The following ZFHX3 variants were observed in gnomAD, a reference collection of about 807,000 sequenced individuals.
The protein encoded by ZFHX3 is zinc finger homeobox 3, also known as zinc finger homeobox protein 3.
Under a neutral mutation model 279.1 loss-of-function variants are expected in ZFHX3, and 42 were observed. The ratio of observed to expected loss-of-function variants is 0.15; its 90% CI spans 0.12 to 0.19. The LOEUF (loss-of-function observed/expected upper bound fraction) is 0.19, where lower values mean the gene tolerates loss of function less well. Ranked by LOEUF, ZFHX3 falls within the 10% of genes least tolerant of loss-of-function variation. The probability of loss-of-function intolerance (pLI) is 1.00; values close to 1 mark genes in which losing one functional copy is unlikely to be tolerated. For synonymous variants in ZFHX3, 2,293 were observed against 1,957.8 expected, an observed-to-expected ratio of 1.17 and a Z score of -4.52; for missense variants, 4,981 against 4,754.0, an observed-to-expected ratio of 1.05 and a Z score of -1.40.
intron 1 of ZFHX3, among the ~76,000 whole-genome samples, chr16:73,725,209 TA>T (rs1481038012): frequency 2.6e-5 from 4 of 152,170 alleles, no homozygotes; most frequent in African/African-American, 9.7e-5. Context: ...AGAACAAATT[TA>T]AAGATTTTTA....
At chr16:73,363,318 G>T (rs1314872921) in intron 3 of ZFHX3, among the ~76,000 whole-genome samples, 1 of 152,176 alleles carries the variant, frequency 6.6e-6, no homozygotes, top group Non-Finnish European at 1.5e-5. Context: ...GGGGTGGTTT[G>T]TTATGCACCA....
intron 5 of ZFHX3, among the ~76,000 whole-genome samples, chr16:73,151,533 G>C (rs964400514): frequency 1.3e-5 from 2 of 151,306 alleles, no homozygotes; most frequent in Admixed American, 6.6e-5. Flanking sequence ...CTGCTCGGTG[G>C]GAAAGAATGT....
intron 2 of ZFHX3, among the ~76,000 whole-genome samples, chr16:73,508,861 G>A (rs825836): frequency 0.23 from 34,435 of 152,050 alleles, 4,474 homozygotes; most frequent in East Asian, 0.58. Flanking sequence ...TTCAACCAAC[G>A]TAAGAACTGT....
At chr16:73,427,106 A>G (rs2017823625) in intron 3 of ZFHX3, among the ~76,000 whole-genome samples, 1 of 147,458 alleles carries the variant, frequency 6.8e-6, no homozygotes. Flanking sequence ...TTAAAGCAAA[A>G]AAAGAGGAGA....
intron 2 of ZFHX3, among the ~76,000 whole-genome samples, chr16:73,469,446 T>C (rs1419097644): frequency 6.6e-6 from 1 of 152,086 alleles, no homozygotes; most frequent in South Asian, 2.1e-4. Context: ...GTATATGTAC[T>C]GCCATCTTGG....
intron 2 of ZFHX3, among the ~76,000 whole-genome samples, chr16:73,589,174 C>T (rs933388508): frequency 9.6e-5 from 13 of 135,854 alleles, no homozygotes; most frequent in African/African-American, 8.3e-5. Context: ...GCAGGAGAAT[C>T]GCTTGACCCT....
At chr16:73,606,084 G>A (rs1174724551) in intron 2 of ZFHX3, among the ~76,000 whole-genome samples, 1 of 149,800 alleles carries the variant, frequency 6.7e-6, no homozygotes, top group Non-Finnish European at 1.5e-5. Context: ...TTGGGAGGCT[G>A]AGGTGGAGAA....
At chr16:72,919,521 T>C (rs1029650112) in intron 3 of ZFHX3, among the ~76,000 whole-genome samples, 1 of 152,080 alleles carries the variant, frequency 6.6e-6, no homozygotes, top group Non-Finnish European at 1.5e-5. Flanking sequence ...TTAAGAATCC[T>C]TGAGCCAGGT....
intron 5 of ZFHX3, among the ~76,000 whole-genome samples, chr16:72,818,906 A>G (rs2036697108): frequency 6.6e-6 from 1 of 152,226 alleles, no homozygotes; most frequent in African/African-American, 2.4e-5. Context: ...TGTTTCTAAA[A>G]AGGGTTTCAA....
intron 3 of ZFHX3, among the ~76,000 whole-genome samples, chr16:73,423,843 C>T (rs897368447): frequency 2.2e-5 from 3 of 134,430 alleles, no homozygotes; most frequent in Non-Finnish European, 4.6e-5. Context: ...GCTTGTGAGA[C>T]AGGGTGAGAC....
intron 8 of ZFHX3, among the ~76,000 whole-genome samples, chr16:73,069,352 A>G (rs1053465010): frequency 6.6e-6 from 1 of 151,862 alleles, no homozygotes; most frequent in African/African-American, 2.4e-5. Flanking sequence ...GGCAGGGGGG[A>G]AGCAAAAGAA....
At chr16:73,242,996 T>G (rs1200859777) in intron 5 of ZFHX3, among the ~76,000 whole-genome samples, 1 of 152,120 alleles carries the variant, frequency 6.6e-6, no homozygotes, top group Admixed American at 6.5e-5. Context: ...ATGGACTTAG[T>G]GGGTCCTGAC....
At chr16:73,275,545 T>A (rs117351683) in intron 4 of ZFHX3, among the ~76,000 whole-genome samples, 1,583 of 152,264 alleles carry the variant, frequency 0.01, 33 homozygotes, top group Admixed American at 0.047. Context: ...ACTATATACC[T>A]CAGAGATATT....
At chr16:72,830,284 G>C (rs992828361) in intron 4 of ZFHX3, among the ~76,000 whole-genome samples, 1 of 152,198 alleles carries the variant, frequency 6.6e-6, no homozygotes, top group African/African-American at 2.4e-5. Flanking sequence ...AAAGCCTCCT[G>C]GTACTGGCCT....
chr16:73,174,129 T>A (rs1008028039), intron 5 of ZFHX3, among the ~76,000 whole-genome samples: 1 of 152,166 alleles, frequency 6.6e-6, no homozygotes, highest in African/African-American at 2.4e-5. Context: ...CCACCTTTTT[T>A]TCCTTAACTT....
At chr16:73,006,751 G>A (rs1205774314) in intron 1 of ZFHX3, among the ~76,000 whole-genome samples, 1 of 152,140 alleles carries the variant, frequency 6.6e-6, no homozygotes, top group Non-Finnish European at 1.5e-5. Flanking sequence ...ACAGACAGCT[G>A]TCCCTTGCTA....
chr16:73,746,573 C>G (rs1348753283), intron 1 of ZFHX3, among the ~76,000 whole-genome samples: 1 of 152,152 alleles, frequency 6.6e-6, no homozygotes, highest in Non-Finnish European at 1.5e-5. Flanking sequence ...GGACTTCTGT[C>G]CTGTGACGAG....
At chr16:72,891,862 C>T (rs1314967374) in intron 3 of ZFHX3, among the ~76,000 whole-genome samples, 1 of 152,188 alleles carries the variant, frequency 6.6e-6, no homozygotes, top group African/African-American at 2.4e-5. Flanking sequence ...TCAGAACTGC[C>T]CACGTTGCTT....
Position 73,196,794 on chromosome 16 carries a change from T to C in ZFHX3, c.-1103-52963A>G, listed in dbSNP as rs575273592. 2.6e-5 allele frequency among the ~76,000 whole-genome samples: 4 copies of C among 152,336 alleles called. No individual in the cohort carries two copies. In the East Asian group the frequency reaches 7.7e-4, roughly 29 times the overall value. On this transcript the variant is annotated intron_variant, in intron 5 of 17. Transcript: ENST00000641206. ...CACCAGAAGGAGGTTTTGAGAGGACTCTACCTCACTATTTCAGCCATGCTT... is the reference window on the plus strand; with the variant it reads ...CACCAGAAGGAGGTTTTGAGAGGACCCTACCTCACTATTTCAGCCATGCTT...
Sources: allele counts gnomAD v4.1 joint callset (sites outside exome capture counted in the v4.1 genomes callset), GRCh38; gene constraint gnomAD v4.1.1; transcripts MANE v1.5; gene names NCBI Gene and HGNC (gene_info 2026-07-23, HGNC 2026-07-21).